RGS6: variants seen among roughly 807,000 people sequenced by gnomAD.
RGS6 encodes regulator of G-protein signaling 6.
A neutral mutation model predicts 78.5 loss-of-function variants in RGS6; 30 were observed. The ratio of observed to expected loss-of-function variants is 0.38; its 90% confidence interval spans 0.29 to 0.52. The LOEUF (loss-of-function observed/expected upper bound fraction) is 0.52. Ranked by LOEUF, RGS6 falls within the 20% of genes least tolerant of loss-of-function variation. RGS6 has a pLI of 0.85. For synonymous variants in RGS6, 206 were observed against 206.0 expected (o/e 1.00, Z 0.00); for missense variants, 495 against 609.7 (o/e 0.81, Z 1.98).
intron 2 of RGS6, among the ~76,000 whole-genome samples, chr14:72,349,026 C>T (rs1371042986): frequency 2.0e-5 from 3 of 152,102 alleles, no homozygotes; most frequent in East Asian, 1.9e-4. Flanking sequence ...ATTAGCCAGG[C>T]GTGGTGGCAG....
At chr14:72,099,716 C>A (rs2095488734) in intron 2 of RGS6, among the ~76,000 whole-genome samples, 1 of 152,198 alleles carries the variant, frequency 6.6e-6, no homozygotes, top group South Asian at 2.1e-4. Context: ...AAGGAACTCT[C>A]TGCCACTCTT....
At chr14:71,891,740 C>T in the RGS6 span, among the ~76,000 whole-genome samples, 5 of 152,152 alleles carry the variant, frequency 3.3e-5, no homozygotes, top group Non-Finnish European at 7.4e-5. Context: ...TCTGAGCACT[C>T]TCTAGGGATT....
intron 3 of RGS6, among the ~76,000 whole-genome samples, chr14:72,451,865 G>A (rs1003844712): frequency 2.0e-5 from 3 of 152,038 alleles, no homozygotes; most frequent in Admixed American, 6.6e-5. Context: ...CAATTCCCCT[G>A]CCTGAGCCTC....
At chr14:72,258,202 G>A (rs906252958) in intron 2 of RGS6, among the ~76,000 whole-genome samples, 3 of 152,202 alleles carry the variant, frequency 2.0e-5, no homozygotes, top group Admixed American at 6.5e-5. Flanking sequence ...TTACAGTGAG[G>A]TCTCCTCCAG....
At chr14:72,333,230 C>T (rs1193829470) in intron 2 of RGS6, among the ~76,000 whole-genome samples, 1 of 152,094 alleles carries the variant, frequency 6.6e-6, no homozygotes, top group Non-Finnish European at 1.5e-5. Context: ...TGATCATTTC[C>T]GGGGGAAAAT....
rs2096228210 is a variant in RGS6, at chr14:72,475,826, A to ACACGCACACACACACACACACACG, written c.694-893_694-892insGCACGCACACACACACACACACAC. Among the ~76,000 whole-genome samples the ACACGCACACACACACACACACACG allele has an allele frequency of 2.5e-4, 21 of 84,116 alleles. No homozygotes were observed. The Admixed American group carries it at 2.7e-3, about 11-fold the overall frequency. 55.2% of individuals were successfully genotyped at this position (84,116 alleles called of 152,430 possible). On this transcript the variant is annotated intron_variant, in intron 10 of 17. Coordinates refer to ENST00000553525, the MANE Select transcript of RGS6 (RefSeq NM_001204424.2). ...TCTCATGTATGCATTAAAAAAAAATACACGCACACACACACACACACACAC... is the reference window on the plus strand; with the variant it reads ...TCTCATGTATGCATTAAAAAAAAATACACGCACACACACACACACACACGCACGCACACACACACACACACACAC...
At chr14:71,981,585 A>C (rs1051634613) in intron 2 of RGS6, among the ~76,000 whole-genome samples, 2 of 151,504 alleles carry the variant, frequency 1.3e-5, no homozygotes, top group African/African-American at 4.9e-5. Flanking sequence ...GGTGCCTCCC[A>C]GTTAGGCTGC....
chr14:71,884,477 C>T, the RGS6 span, among the ~76,000 whole-genome samples: 1 of 152,178 alleles, frequency 6.6e-6, no homozygotes, highest in African/African-American at 2.4e-5. Context: ...CCTATTTTCC[C>T]TACTTCAGTT....
chr14:71,878,392 C>T, the RGS6 span, among the ~76,000 whole-genome samples: 1 of 152,228 alleles, frequency 6.6e-6, no homozygotes, highest in Non-Finnish European at 1.5e-5. Flanking sequence ...AGGCACCCCT[C>T]CCCTAGCCTT....
chr14:72,568,958 T>C (rs551071201), downstream of RGS6, among the ~76,000 whole-genome samples: 2 of 152,356 alleles, frequency 1.3e-5, no homozygotes, highest in South Asian at 4.1e-4. Context: ...AGGATGGCTC[T>C]GGGTTAGGAA....
chr14:72,028,626 G>A (rs528122961), intron 2 of RGS6, among the ~76,000 whole-genome samples: 2 of 152,210 alleles, frequency 1.3e-5, no homozygotes, highest in Non-Finnish European at 2.9e-5. Flanking sequence ...TTAGGTTTTT[G>A]TTTTAAATGT....
chr14:72,394,391 G>A (rs1401002155), intron 3 of RGS6, among the ~76,000 whole-genome samples: 1 of 152,118 alleles, frequency 6.6e-6, no homozygotes, highest in Non-Finnish European at 1.5e-5. Context: ...CGAGATCACA[G>A]GCCCGGGGCG....
chr14:72,156,590 C>T (rs1447163162), intron 2 of RGS6, among the ~76,000 whole-genome samples: 1 of 151,840 alleles, frequency 6.6e-6, no homozygotes, highest in East Asian at 1.9e-4. Flanking sequence ...GTTTACTGAT[C>T]AGGTTGATGA....
rs186233540 is a variant in RGS6, at chr14:72,296,999, A to G, written c.85-55096A>G. Among the ~76,000 whole-genome samples the G allele has an allele frequency of 5.9e-3, 896 of 151,926 alleles. 8 individuals carry two copies. The highest frequency in any genetic ancestry group is 0.019 in the African/African-American group (796 of 41,252). On this transcript the variant is annotated intron_variant, in intron 2 of 17. Transcript: ENST00000553525. ...AGTTCTTTTCTTTTTCCACATGGCT[A>G]TCTAGTCATTCCAGCTCAATTTCTT...
chr14:72,238,745 C>T (rs1464369127), intron 2 of RGS6, among the ~76,000 whole-genome samples: 2 of 152,162 alleles, frequency 1.3e-5, no homozygotes, highest in East Asian at 3.9e-4. Flanking sequence ...CTCTCTTTCT[C>T]TGCCACTCCC....
intron 2 of RGS6, among the ~76,000 whole-genome samples, chr14:72,169,009 C>T (rs2096970535): frequency 6.6e-6 from 1 of 152,226 alleles, no homozygotes; most frequent in Admixed American, 6.5e-5. Context: ...CCTGCCCACC[C>T]CCACTGCCAC....
chr14:72,501,915 C>T (rs1462463256), intron 13 of RGS6, among the ~76,000 whole-genome samples: 1 of 152,208 alleles, frequency 6.6e-6, no homozygotes, highest in African/African-American at 2.4e-5. Context: ...TGCCCATGCA[C>T]AGCGAGTTTG....
At chr14:72,207,406 A>G (rs923679735) in intron 2 of RGS6, among the ~76,000 whole-genome samples, 3 of 152,192 alleles carry the variant, frequency 2.0e-5, no homozygotes, top group Non-Finnish European at 1.5e-5. Context: ...CTAGTGCAAT[A>G]TCCTGTTACC....
At chr14:72,373,431 A>AT (rs1442142770) in intron 3 of RGS6, among the ~76,000 whole-genome samples, 5 of 152,172 alleles carry the variant, frequency 3.3e-5, no homozygotes, top group African/African-American at 1.2e-4. Context: ...AGTAAGGGAA[A>AT]TTTTTAGAGG....
Sources: allele counts gnomAD v4.1 joint callset (sites outside exome capture counted in the v4.1 genomes callset), GRCh38; gene constraint gnomAD v4.1.1; transcripts MANE v1.5; gene names NCBI Gene and HGNC (gene_info 2026-07-23, HGNC 2026-07-21).